The following PPP3CB variants were observed in gnomAD, a reference collection of about 807,000 sequenced individuals.
The protein encoded by PPP3CB is protein phosphatase 3 catalytic subunit beta.
Under a neutral mutation model 66.4 loss-of-function variants are expected in PPP3CB, and 8 were observed. That is an observed-to-expected ratio of 0.12 (90% CI 0.07 to 0.22). The LOEUF is 0.22. PPP3CB is among the 10% of genes least tolerant of loss of function. The pLI, the probability that PPP3CB is intolerant of heterozygous loss-of-function variation, is 1.00. For synonymous variants in PPP3CB, 208 were observed against 221.2 expected (o/e 0.94, Z 0.53); for missense variants, 319 against 642.5 (o/e 0.50, Z 5.44).
At chr10:73,461,024 G>A (rs914151593) in intron 9 of PPP3CB, among the ~76,000 whole-genome samples, 3 of 152,218 alleles carry the variant, frequency 2.0e-5, no homozygotes, top group Admixed American at 1.3e-4. Flanking sequence ...AAGGGCTGCT[G>A]CCCTCCAGAA....
In PPP3CB at chr10:73,454,322, A is replaced by G. The variant is rs562945192; in HGVS notation, c.1186+90T>C. The stretch of plus-strand genomic sequence containing the variant: ...AGCATAGTCTCTGAAAGCAATGACT[A>G]TTTTTTGCAAAATAGTGTGTACTGA... On this transcript the variant is annotated intron_variant, in intron 10 of 13. Transcript: ENST00000360663. 16 of 807,390 alleles carry G rather than the reference A, an allele frequency of 2.0e-5. No individual in the cohort carries two copies. The African/African-American group carries it at 2.5e-4, about 12-fold the overall frequency. 50.0% of individuals were successfully genotyped at this position (807,390 alleles called of 1,614,324 possible).
intron 9 of PPP3CB, among the ~76,000 whole-genome samples, chr10:73,458,859 CAA>C (rs1233529442): frequency 6.6e-6 from 1 of 150,544 alleles, no homozygotes; most frequent in African/African-American, 2.4e-5. Context: ...CACCTGAGGT[CAA>C]GAGTTTGAGA....
intron 10 of PPP3CB, among the ~76,000 whole-genome samples, chr10:73,448,061 T>A (rs2056287046): frequency 6.6e-6 from 1 of 152,220 alleles, no homozygotes; most frequent in African/African-American, 2.4e-5. Context: ...GTAAGTCTGA[T>A]TCTCTTCTAA....
Position 73,461,412 on chromosome 10 carries a change from AT to A in PPP3CB, c.1108+6140del, listed in dbSNP as rs1451786975. Among the ~76,000 whole-genome samples the A allele has an allele frequency of 2.0e-5, 3 of 152,256 alleles. No individual in the cohort carries two copies. In the East Asian group the frequency reaches 5.8e-4, roughly 29 times the overall value. On this transcript the variant is annotated intron_variant, in intron 9 of 13. Coordinates refer to ENST00000360663, the MANE Select transcript of PPP3CB (RefSeq NM_021132.4). ...CAGTGAGCAAAGAACACACCACTGC[AT>A]TCCAGCCTGGGCGCAACAGAGCAAG...
chr10:73,443,267 AGAAAGAAAGAAAGAAAGAC>A (rs1478953702), intron 12 of PPP3CB, among the ~76,000 whole-genome samples: 18 of 127,844 alleles, frequency 1.4e-4, no homozygotes, highest in African/African-American at 5.5e-4. Flanking sequence ...AGAGAGAGAG[AGAAAGAAAGAAAGAAAGAC>A]AGAAAGAAAG....
At position 73,478,635 on chromosome 10, in the gene PPP3CB, A is replaced by T; in HGVS notation, c.287-12T>A. ...GATGTCACCACACACTGAAACAAGA[A>T]GATTATTAGATAAGGGAAAAAAATC... On this transcript the variant is annotated splice_polypyrimidine_tract_variant and intron_variant, in intron 2 of 13. Coordinates refer to ENST00000360663, the MANE Select transcript of PPP3CB (RefSeq NM_021132.4). 1 of 1,598,136 alleles carries T rather than the reference A, an allele frequency of 6.3e-7. No homozygotes were observed. The highest frequency in any genetic ancestry group is 8.5e-7 in the Non-Finnish European group (1 of 1,175,142).
At position 73,485,876 on chromosome 10, in the gene PPP3CB, G is replaced by C. The variant is rs1190307943; in HGVS notation, c.86-6359C>G. 5.3e-5 allele frequency among the ~76,000 whole-genome samples: 8 copies of C among 149,930 alleles called. No homozygotes were observed. In the Admixed American group the frequency reaches 5.4e-4, roughly 10 times the overall value. ...CTGCCTCAGCCTCCCAAGTAGCTGA[G>C]ACTACAGGCACACACCACCACACCT... On this transcript the variant is annotated intron_variant, in intron 1 of 13. Transcript: ENST00000360663.
Position 73,461,955 on chromosome 10 carries a change from T to C in PPP3CB, c.1108+5598A>G, listed in dbSNP as rs569857091. On this transcript the variant is annotated intron_variant, in intron 9 of 13. Transcript: ENST00000360663. ...GATAGTGAGTAAATTCTTGTGAAAT[T>C]TGGCTGTTTTTTAAGTATCTGGCAT... Among the ~76,000 whole-genome samples the C allele has an allele frequency of 8.6e-5, 13 of 151,984 alleles. No homozygotes were observed. In the South Asian group the frequency reaches 1.5e-3, roughly 17 times the overall value.
intron 1 of PPP3CB, among the ~76,000 whole-genome samples, 173 bp from the exon 2 acceptor site, chr10:73,479,690 G>A (rs2056844020): frequency 6.6e-6 from 1 of 152,120 alleles, no homozygotes; most frequent in South Asian, 2.1e-4. Context: ...CACTTTTAAA[G>A]CTATTTATAC....
rs375801317 is a variant in PPP3CB at position 73,478,613 on chromosome 10, G to A, written c.297C>T (p.Asp99=). The change falls in exon 3 of 14, where the codon GAC becomes GAT. Residue 99 remains aspartate, a synonymous_variant. Coordinates refer to ENST00000360663, the MANE Select transcript of PPP3CB (RefSeq NM_021132.4). ...EVEAPITVCG[D]IHGQFFDLMK... ...TCAGATCAAAAAATTGGCCATGGAT[G>A]TCACCACACACTGAAACAAGAAGAT... 1.1e-5 allele frequency: 18 copies of A among 1,611,982 alleles called. No homozygotes were observed. The highest frequency in any genetic ancestry group is 1.4e-5 in the Non-Finnish European group (16 of 1,178,924).
At chr10:73,459,087 A>C (rs181261825) in intron 9 of PPP3CB, among the ~76,000 whole-genome samples, 1 of 152,236 alleles carries the variant, frequency 6.6e-6, no homozygotes, top group Admixed American at 6.5e-5. Context: ...AACAACAACA[A>C]TAAAATGGTA....
intron 9 of PPP3CB, among the ~76,000 whole-genome samples, chr10:73,461,988 C>G (rs1201677757): frequency 6.6e-6 from 1 of 152,014 alleles, no homozygotes; most frequent in Non-Finnish European, 1.5e-5. Context: ...CATCTTCCCC[C>G]TCGCTCTCTT....
chr10:73,462,661 T>C (rs886322145), intron 9 of PPP3CB, among the ~76,000 whole-genome samples: 1 of 151,028 alleles, frequency 6.6e-6, no homozygotes, highest in Non-Finnish European at 1.5e-5. Flanking sequence ...AGAAAATGAC[T>C]TAGTTAGGCT....
rs1043627776 is a variant in PPP3CB at position 73,479,395 on chromosome 10, C to T, written c.208G>A (p.Ala70Thr). Residue 70 changes from alanine (A) to threonine (T), a missense_variant, in exon 2 of 14, where the codon GCG (alanine) becomes ACG (threonine). This residue lies in a region of PPP3CB where 104 missense variants were observed against 128.4 expected (regional missense o/e 0.81). Coordinates refer to ENST00000360663, the MANE Select transcript of PPP3CB (RefSeq NM_021132.4). ...GCACCCTCATTGATAATTCTAAGCG[C>T]AATTTCTTCATCTACTCGACCTTCT... ...VKEGRVDEEI[A>T]LRIINEGAAI... The T allele has an allele frequency of 6.2e-7, 1 of 1,614,134 alleles. No homozygotes were observed. Among genetic ancestry groups the T allele is most frequent in the Non-Finnish European group, 8.5e-7 (1 of 1,180,006 alleles).
chr10:73,441,309 A>G (rs77079999), intron 12 of PPP3CB, among the ~76,000 whole-genome samples: 2,112 of 152,316 alleles, frequency 0.014, 18 homozygotes, highest in Non-Finnish European at 0.024. Flanking sequence ...GTTAAACTAC[A>G]TTACAAATCG....
chr10:73,487,568 A>ACC (rs1485070268), intron 1 of PPP3CB, among the ~76,000 whole-genome samples: 1 of 149,544 alleles, frequency 6.7e-6, no homozygotes, highest in African/African-American at 2.5e-5. Context: ...CAAAACCAAA[A>ACC]AAAAAAAAAA....
At chr10:73,448,325 T>G (rs2056292113) in intron 10 of PPP3CB, among the ~76,000 whole-genome samples, 2 of 152,156 alleles carry the variant, frequency 1.3e-5, no homozygotes, top group Non-Finnish European at 2.9e-5. Context: ...CATATTAAAG[T>G]AAATGGTCAC....
chr10:73,472,768 T>C (rs1048725413), intron 4 of PPP3CB, among the ~76,000 whole-genome samples: 2 of 152,138 alleles, frequency 1.3e-5, no homozygotes, highest in Non-Finnish European at 2.9e-5. Context: ...TTGCCTACAA[T>C]GAATACTTTA....
At chr10:73,491,567 T>C (rs1453535553) in intron 1 of PPP3CB, among the ~76,000 whole-genome samples, 1 of 152,232 alleles carries the variant, frequency 6.6e-6, no homozygotes, top group East Asian at 1.9e-4. Context: ...AAAATAGACT[T>C]TGTAAACAAA....
Sources: allele counts gnomAD v4.1 joint callset (sites outside exome capture counted in the v4.1 genomes callset), GRCh38; gene constraint gnomAD v4.1.1; regional missense constraint gnomAD v4.1.1; transcripts MANE v1.5; gene names NCBI Gene and HGNC (gene_info 2026-07-23, HGNC 2026-07-21).